The following IFNGR2 variants were observed in gnomAD, a reference collection of about 807,000 sequenced individuals.
The protein encoded by IFNGR2 is interferon gamma receptor 2.
Under a neutral mutation model 41.1 loss-of-function variants are expected in IFNGR2, and 15 were observed. That is an observed-to-expected ratio of 0.37 (90% confidence interval 0.24 to 0.56). IFNGR2 has a LOEUF of 0.56. IFNGR2 is among the 20% of genes least tolerant of loss of function. The pLI is 0.81. For synonymous variants in IFNGR2, 161 were observed against 171.6 expected (o/e 0.94, Z 0.48); for missense variants, 362 against 415.7 (o/e 0.87, Z 1.12).
chr21:33,413,656 G>A (rs1161137354), intron 1 of IFNGR2, among the ~76,000 whole-genome samples: 1 of 151,962 alleles, frequency 6.6e-6, no homozygotes. Flanking sequence ...CTTGGGAAAG[G>A]GAGGAGTTGT....
intron 6 of IFNGR2, among the ~76,000 whole-genome samples, chr21:33,433,694 T>C (rs2083913462): frequency 6.6e-6 from 1 of 152,210 alleles, no homozygotes; most frequent in South Asian, 2.1e-4. Context: ...GTGGTCATGA[T>C]TGCACAATGT....
chr21:33,433,728 T>C (rs2083913869), intron 6 of IFNGR2, among the ~76,000 whole-genome samples: 2 of 152,270 alleles, frequency 1.3e-5, no homozygotes, highest in Non-Finnish European at 1.5e-5. Flanking sequence ...ACTACCGAAC[T>C]GTACACCTAA....
rs998887410 is a variant in IFNGR2, at chr21:33,411,469, G to A, written c.74-3419G>A. The A allele has an allele frequency of 1.9e-5, 9 of 470,862 alleles. No homozygotes were observed. The East Asian group carries it at 3.5e-4, about 18-fold the overall frequency. 29.2% of individuals were successfully genotyped at this position (470,862 alleles called of 1,614,324 possible). ...GAGATGGGAGATGGTGAACAGGCGT[G>A]TGGAGGGCGGAATAATGGTCCCCAA... On this transcript the variant is annotated intron_variant, in intron 1 of 6. Transcript: ENST00000290219.
Position 33,432,439 on chromosome 21 carries a change from A to G in IFNGR2, c.721+103A>G. On this transcript the variant is annotated intron_variant, in intron 5 of 6. Transcript: ENST00000290219. The stretch of plus-strand genomic sequence containing the variant: ...GAGGTCATGGGTGGTGGGAGTGGGG[A>G]GACCCAGTGAGAAGAGTGCTGAACT... 6.2e-6 allele frequency: 7 copies of G among 1,130,718 alleles called. 1 individual carries two copies. The South Asian group carries it at 8.7e-5, about 14-fold the overall frequency. 70.0% of individuals were successfully genotyped at this position (1,130,718 alleles called of 1,614,324 possible). A position where few individuals can be genotyped will look rare whatever the true frequency, so the allele number is the denominator to read the frequency against.
intron 2 of IFNGR2, among the ~76,000 whole-genome samples, chr21:33,415,931 A>G (rs972354081): frequency 6.6e-6 from 1 of 152,184 alleles, no homozygotes; most frequent in Non-Finnish European, 1.5e-5. Flanking sequence ...GCATGATCTC[A>G]GCTCACTGCA....
At chr21:33,426,239 CCT>C (rs1013526072) in intron 3 of IFNGR2, among the ~76,000 whole-genome samples, 2 of 151,822 alleles carry the variant, frequency 1.3e-5, no homozygotes, top group African/African-American at 4.8e-5. Flanking sequence ...ATAGTGAAAC[CCT>C]GTCTCTACTA....
chr21:33,424,038 C>T (rs922352939), intron 3 of IFNGR2, among the ~76,000 whole-genome samples: 2 of 152,196 alleles, frequency 1.3e-5, no homozygotes, highest in East Asian at 3.9e-4. Flanking sequence ...CAGTGGCTCA[C>T]CCCTGCAATC....
intron 3 of IFNGR2, among the ~76,000 whole-genome samples, chr21:33,424,632 G>A (rs554799578): frequency 6.6e-6 from 1 of 152,316 alleles, no homozygotes; most frequent in East Asian, 1.9e-4. Flanking sequence ...CCCTCACCTG[G>A]GTTCATATCC....
Position 33,407,722 on chromosome 21 carries a change from A to G in IFNGR2, c.73+4106A>G, listed in dbSNP as rs535064424. 2.6e-5 allele frequency among the ~76,000 whole-genome samples: 4 copies of G among 152,214 alleles called. No individual in the cohort carries two copies. The South Asian group carries it at 8.3e-4, about 32-fold the overall frequency. ...GCGATTCTCCTGTCTCAGCCTCCCA[A>G]GTAGCTGGGACTATAGGCACCTGCC... On this transcript the variant is annotated intron_variant, in intron 1 of 6. Coordinates refer to ENST00000290219, the MANE Select transcript of IFNGR2 (RefSeq NM_005534.4).
At chr21:33,428,208 CAT>C (rs776677506) in intron 4 of IFNGR2, among the ~76,000 whole-genome samples, 1 of 95,214 alleles carries the variant, frequency 1.1e-5, no homozygotes, top group African/African-American at 6.0e-5. Context: ...ACTTCTCCTT[CAT>C]TTTTTTTTTT....
intron 1 of IFNGR2, among the ~76,000 whole-genome samples, chr21:33,411,763 C>T (rs924323597): frequency 2.0e-5 from 3 of 152,168 alleles, no homozygotes; most frequent in Non-Finnish European, 2.9e-5. Flanking sequence ...CCTCTAGAAG[C>T]TGGGAAAGGC....
chr21:33,429,638 T>C (rs1002809141), intron 4 of IFNGR2, among the ~76,000 whole-genome samples: 5 of 152,174 alleles, frequency 3.3e-5, no homozygotes, highest in Non-Finnish European at 7.4e-5. Flanking sequence ...ATGTGAACTG[T>C]TGTCTGCCAG....
intron 6 of IFNGR2, among the ~76,000 whole-genome samples, chr21:33,433,380 A>T (rs1251782701): frequency 6.6e-6 from 1 of 152,262 alleles, no homozygotes; most frequent in East Asian, 1.9e-4. Context: ...TGAAGGATTA[A>T]TAGATAAATC....
chr21:33,413,234 A>C (rs1435480931), intron 1 of IFNGR2, among the ~76,000 whole-genome samples: 21 of 152,122 alleles, frequency 1.4e-4, no homozygotes, highest in Admixed American at 1.4e-3. Context: ...CAGCCACAGC[A>C]CACCTGGTGG....
chr21:33,410,991 G>C, intron 1 of IFNGR2: 1 of 883,568 alleles, frequency 1.1e-6, no homozygotes. Context: ...TCCCATCGGG[G>C]GCCATGTGGC....
At chr21:33,410,166 ATT>A (rs373991238) in intron 1 of IFNGR2, among the ~76,000 whole-genome samples, 5,869 of 137,088 alleles carry the variant, frequency 0.043, 102 homozygotes, top group Non-Finnish European at 0.051. Context: ...AATTACAATA[ATT>A]TTTTTTTTTT....
chr21:33,418,631 T>C (rs2083769941), intron 2 of IFNGR2, among the ~76,000 whole-genome samples: 1 of 152,176 alleles, frequency 6.6e-6, no homozygotes, highest in South Asian at 2.1e-4. Flanking sequence ...CCTTTGTTTT[T>C]TGACAGAGTA....
chr21:33,424,979 G>A (rs924536992), intron 3 of IFNGR2, among the ~76,000 whole-genome samples: 3 of 152,000 alleles, frequency 2.0e-5, no homozygotes, highest in Non-Finnish European at 2.9e-5. Context: ...GCCCGATCTC[G>A]GCTCACTGCA....
chr21:33,415,485 T>C (rs2123340102), intron 2 of IFNGR2, among the ~76,000 whole-genome samples: 1 of 152,340 alleles, frequency 6.6e-6, no homozygotes, highest in South Asian at 2.1e-4. Context: ...ATCCTGGCTC[T>C]TTCATCTGTC....
Sources: gnomAD v4.1 joint callset for allele counts (sites outside exome capture counted in the v4.1 genomes callset) on GRCh38, gnomAD v4.1.1 for gene constraint, MANE v1.5 for transcripts, NCBI Gene and HGNC (gene_info 2026-07-23, HGNC 2026-07-21) for gene names.